Variants in SESN1 observed in about 807,000 individuals in gnomAD.
The protein encoded by SESN1 is sestrin-1.
Under a neutral mutation model 59.3 loss-of-function variants are expected in SESN1, and 30 were observed. The ratio of observed to expected loss-of-function variants is 0.51; its 90% CI spans 0.38 to 0.69. SESN1 has a LOEUF of 0.69. Among genes scored for constraint, SESN1 ranks in the 30% least tolerant of loss-of-function variants. The probability of loss-of-function intolerance (pLI) is 0.00; values close to 1 mark genes in which losing one functional copy is unlikely to be tolerated. For synonymous variants in SESN1, 197 were observed against 219.9 expected (o/e 0.90, Z 0.92); for missense variants, 566 against 673.0 (o/e 0.84, Z 1.76).
At chr6:109,073,185 C>A (rs1247605963) in intron 1 of SESN1, among the ~76,000 whole-genome samples, 1 of 151,888 alleles carries the variant, frequency 6.6e-6, no homozygotes, top group African/African-American at 2.4e-5. Context: ...TGGGTGAATG[C>A]ATGTACAGAG....
chr6:109,031,034 G>C (rs1009411956), intron 1 of SESN1, among the ~76,000 whole-genome samples: 4 of 152,168 alleles, frequency 2.6e-5, no homozygotes, highest in African/African-American at 9.7e-5. Context: ...TCTAGGCAAC[G>C]TGTAATTTTG....
At chr6:109,058,676 T>C (rs1780678294) in intron 1 of SESN1, among the ~76,000 whole-genome samples, 1 of 152,214 alleles carries the variant, frequency 6.6e-6, no homozygotes, top group Non-Finnish European at 1.5e-5. Flanking sequence ...GACCTTCTTT[T>C]GTTTTTTCTT....
chr6:109,026,132 C>T (rs1780088755), intron 1 of SESN1, among the ~76,000 whole-genome samples: 2 of 151,992 alleles, frequency 1.3e-5, no homozygotes. Context: ...GAATGGAAGC[C>T]AGAGGATCAA....
chr6:109,013,911 T>A (rs925328199), intron 1 of SESN1, among the ~76,000 whole-genome samples: 2 of 152,224 alleles, frequency 1.3e-5, no homozygotes, highest in Non-Finnish European at 2.9e-5. Flanking sequence ...ATAGCTTGTC[T>A]GCTAAGCACT....
intron 1 of SESN1, among the ~76,000 whole-genome samples, chr6:109,021,217 C>T (rs992664319): frequency 1.3e-5 from 2 of 152,032 alleles, no homozygotes; most frequent in Admixed American, 1.3e-4. Context: ...TACATGGACT[C>T]AAGTGAACTC....
chr6:109,082,026 G>A (rs1455174020), intron 1 of SESN1, among the ~76,000 whole-genome samples: 3 of 152,102 alleles, frequency 2.0e-5, no homozygotes, highest in Non-Finnish European at 2.9e-5. Context: ...TGGCAATACC[G>A]GCATACAAAC....
chr6:109,052,436 A>C (rs1780555812), intron 1 of SESN1, among the ~76,000 whole-genome samples: 1 of 152,220 alleles, frequency 6.6e-6, no homozygotes, highest in Non-Finnish European at 1.5e-5. Context: ...CACTGCTATT[A>C]TAACACACTG....
In SESN1 at chr6:109,037,950, T is replaced by C. The variant is rs148260957; in HGVS notation, c.280-35607A>G. Among the ~76,000 whole-genome samples the C allele has an allele frequency of 2.0e-5, 3 of 152,338 alleles. No homozygotes were observed. In the East Asian group the frequency reaches 5.8e-4, roughly 29 times the overall value. ...CCATTATCTTTTGTTAAAATGCAAG[T>C]ACCCTGAAAAATAGAAAAATCATTA... On this transcript the variant is annotated intron_variant, in intron 1 of 9. Coordinates refer to ENST00000436639, the MANE Select transcript of SESN1 (RefSeq NM_014454.3).
chr6:109,043,019 A>G (rs903228909), intron 1 of SESN1, among the ~76,000 whole-genome samples: 4 of 152,150 alleles, frequency 2.6e-5, no homozygotes, highest in African/African-American at 9.6e-5. Context: ...GATTTATTCC[A>G]GGAATGCATG....
In SESN1 at chr6:109,055,837, C is replaced by T. The variant is rs144425470; in HGVS notation, c.279+37958G>A. Among the ~76,000 whole-genome samples, 1,166 of 151,910 alleles carry T rather than the reference C, an allele frequency of 7.7e-3. 21 individuals are homozygous for T. The highest frequency in any genetic ancestry group is 0.027 in the African/African-American group (1,111 of 41,370). On this transcript the variant is annotated intron_variant, in intron 1 of 9. Coordinates refer to ENST00000436639, the MANE Select transcript of SESN1 (RefSeq NM_014454.3). Reference sequence around the variant, plus strand: ...TTGTGTAAGATCTGTACTCATTGTCCGTGATATATAGTAGTTACTCAATAT... The same window carrying T: ...TTGTGTAAGATCTGTACTCATTGTCTGTGATATATAGTAGTTACTCAATAT...
Position 108,984,513 on chromosome 6 carries a change from A to G in SESN1, c.*3031T>C, listed in dbSNP as rs1380448322. On this transcript the variant is annotated 3_prime_UTR_variant, in exon 10 of 10. Transcript: ENST00000436639. The stretch of plus-strand genomic sequence containing the variant: ...AGAGCAGAGCCCTCTTGATCTTATC[A>G]CCTCCCAAAGGCCTACTTTTTTAAT... Among the ~76,000 whole-genome samples, 1 of 151,768 alleles carries G rather than the reference A, an allele frequency of 6.6e-6. No homozygotes were observed. The highest frequency in any genetic ancestry group is 6.6e-5 in the Admixed American group (1 of 15,206).
chr6:109,068,664 G>C (rs962072999), intron 1 of SESN1, among the ~76,000 whole-genome samples: 4 of 150,698 alleles, frequency 2.7e-5, no homozygotes, highest in Non-Finnish European at 5.9e-5. Context: ...ATATTGAAAA[G>C]ACCCAAGCAT....
At chr6:109,058,445 T>C (rs1482727113) in intron 1 of SESN1, among the ~76,000 whole-genome samples, 1 of 152,216 alleles carries the variant, frequency 6.6e-6, no homozygotes, top group Non-Finnish European at 1.5e-5. Flanking sequence ...ACCATCTAGG[T>C]TTGTGTAAGT....
chr6:108,988,408 G>C, intron 9 of SESN1, 135 bp downstream of exon 9: 1 of 686,362 alleles, frequency 1.5e-6, no homozygotes, highest in Non-Finnish European at 2.3e-6. Flanking sequence ...AGGGGTACCT[G>C]AGACAGCTGT....
intron 1 of SESN1, among the ~76,000 whole-genome samples, chr6:109,064,080 C>T (rs1165674812): frequency 4.6e-5 from 7 of 152,008 alleles, no homozygotes; most frequent in Admixed American, 2.0e-4. Context: ...TAACAATGAA[C>T]GGTAAAATCA....
At chr6:109,072,302 T>C (rs542948488) in intron 1 of SESN1, among the ~76,000 whole-genome samples, 6 of 152,364 alleles carry the variant, frequency 3.9e-5, no homozygotes, top group African/African-American at 1.4e-4. Flanking sequence ...AGGTTATCTA[T>C]GTGTGAATTA....
In SESN1 at chr6:109,081,601, G is replaced by A. The variant is rs370763020; in HGVS notation, c.279+12194C>T. On this transcript the variant is annotated intron_variant, in intron 1 of 9. Coordinates refer to ENST00000436639, the MANE Select transcript of SESN1 (RefSeq NM_014454.3). ...TTTCAAAAGCATACAGACTGCTAATGGCTCTTTAAGACAACTTGATTCCAA... is the reference window on the plus strand; with the variant it reads ...TTTCAAAAGCATACAGACTGCTAATAGCTCTTTAAGACAACTTGATTCCAA... 2.7e-4 allele frequency among the ~76,000 whole-genome samples: 41 copies of A among 152,264 alleles called. No individual in the cohort carries two copies. In the East Asian group the frequency reaches 4.6e-3, roughly 17 times the overall value.
chr6:109,093,055 TA>T (rs549876431), intron 1 of SESN1, among the ~76,000 whole-genome samples: 38 of 151,812 alleles, frequency 2.5e-4, no homozygotes, highest in South Asian at 8.3e-4. Context: ...TCTAAAAACT[TA>T]AAAAAAAGTA....
At chr6:108,991,085 A>AAC (rs1562452449) in intron 7 of SESN1, among the ~76,000 whole-genome samples, 16 of 149,364 alleles carry the variant, frequency 1.1e-4, no homozygotes, top group African/African-American at 3.6e-4. Flanking sequence ...ACAACAACAA[A>AAC]AAAAAACTAA....
Sources: gnomAD v4.1 joint callset for allele counts (sites outside exome capture counted in the v4.1 genomes callset) on GRCh38, gnomAD v4.1.1 for gene constraint, MANE v1.5 for transcripts, NCBI Gene and HGNC (gene_info 2026-07-23, HGNC 2026-07-21) for gene names.